Variants in MPZL1 observed in about 807,000 individuals in gnomAD.
The protein encoded by MPZL1 is myelin protein zero-like protein 1.
Under a neutral mutation model 29.3 loss-of-function variants are expected in MPZL1, and 16 were observed. The observed-to-expected ratio is 0.55, with a 90% CI of 0.37 to 0.83. The LOEUF (loss-of-function observed/expected upper bound fraction) is 0.83. Among genes scored for constraint, MPZL1 ranks in the 40% least tolerant of loss-of-function variants. MPZL1 has a pLI of 0.00. For missense variants in MPZL1, 279 were observed against 332.9 expected (o/e 0.84, Z 1.26); for synonymous variants, 143 against 132.0 (o/e 1.08, Z -0.57).
intron 1 of MPZL1, among the ~76,000 whole-genome samples, chr1:167,727,972 A>AT (rs906846336): frequency 2.7e-5 from 4 of 146,850 alleles, no homozygotes; most frequent in African/African-American, 1.0e-4. Context: ...AGGTTCAGTG[A>AT]TTCTCCTGCC....
intron 1 of MPZL1, among the ~76,000 whole-genome samples, chr1:167,752,763 G>A (rs918254691): frequency 5.3e-5 from 8 of 152,130 alleles, no homozygotes; most frequent in Admixed American, 1.3e-4. Flanking sequence ...GCTTGACTGG[G>A]GTCAGGCATC....
intron 1 of MPZL1, among the ~76,000 whole-genome samples, chr1:167,760,747 CTG>C (rs58963124): frequency 0.12 from 14,533 of 119,886 alleles, 783 homozygotes; most frequent in South Asian, 0.15. Context: ...GTTGAATAGG[CTG>C]TGTGTGTGTG....
In MPZL1 at chr1:167,765,533, G is replaced by T. The variant is rs373159576; in HGVS notation, c.92-50G>T. The T allele has an allele frequency of 2.1e-5, 32 of 1,497,784 alleles. No individual in the cohort carries two copies. The Admixed American group carries it at 2.7e-4, about 13-fold the overall frequency. The allele number at this position is 1,497,784 out of a possible 1,614,324, so 92.8% of individuals were successfully genotyped here. A position where few individuals can be genotyped will look rare whatever the true frequency, so the allele number is the denominator to read the frequency against. On this transcript the variant is annotated intron_variant, in intron 1 of 5. Transcript: ENST00000359523. ...TCTTGTCTGGCAAAAATGCACAGTG[G>T]TATTCATGTTAAGTCCTACTTTCAA...
At position 167,765,927 on chromosome 1, in the gene MPZL1, C is replaced by T. The variant is rs910796069; in HGVS notation, c.258+178C>T. On this transcript the variant is annotated intron_variant, in intron 2 of 5. Transcript: ENST00000359523. ...AAATAAGTTCAGCATCTCTTAAATG[C>T]GTCTGGTTTCCTTGTCTTTGATCAG... is the stretch of plus-strand genomic sequence containing the variant. 1.7e-4 allele frequency: 75 copies of T among 451,540 alleles called. 1 individual carries two copies. Among genetic ancestry groups the T allele is most frequent in the Non-Finnish European group, 2.6e-4 (69 of 268,042 alleles). The allele number at this position is 451,540 out of a possible 1,614,324, so 28.0% of individuals were successfully genotyped here. A position where few individuals can be genotyped will look rare whatever the true frequency, so the allele number is the denominator to read the frequency against.
At position 167,776,107 on chromosome 1, in the gene MPZL1, C is replaced by T. The variant is rs561407422; in HGVS notation, c.649C>T (p.Arg217Trp). 1.3e-5 allele frequency: 21 copies of T among 1,612,622 alleles called. No individual in the cohort carries two copies. Among genetic ancestry groups the T allele is most frequent in the East Asian group, 2.2e-5 (1 of 44,714 alleles). ...ESLSPVKQAP[R>W]KSPSDTEGLV... ...TTTGTCACCAGTTAAGCAGGCTCCT[C>T]GGAAGTCCCCCTCCGACACTGAGGG... The change falls in exon 5 of 6, where the codon CGG becomes TGG. Residue 217 changes from arginine (R) to tryptophan (W), a missense_variant. Coordinates refer to ENST00000359523, the MANE Select transcript of MPZL1 (RefSeq NM_003953.6).
At chr1:167,737,874 G>T (rs1204023422) in intron 1 of MPZL1, among the ~76,000 whole-genome samples, 1 of 152,140 alleles carries the variant, frequency 6.6e-6, no homozygotes, top group African/African-American at 2.4e-5. Context: ...TATCTCTACA[G>T]AGAACCAATA....
chr1:167,771,824 A>G (rs1321861900), intron 2 of MPZL1, among the ~76,000 whole-genome samples: 1 of 152,142 alleles, frequency 6.6e-6, no homozygotes, highest in Non-Finnish European at 1.5e-5. Context: ...ACTGCACTCC[A>G]GCCTGGGCAG....
rs373611845 is a variant in MPZL1, at chr1:167,750,917, A to G, written c.92-14666A>G. Among the ~76,000 whole-genome samples the G allele has an allele frequency of 2.0e-4, 31 of 152,320 alleles. No individual in the cohort carries two copies. The East Asian group carries it at 2.9e-3, about 14-fold the overall frequency. On this transcript the variant is annotated intron_variant, in intron 1 of 5. Coordinates refer to ENST00000359523, the MANE Select transcript of MPZL1 (RefSeq NM_003953.6). ...TTTTACATTAATATTTTTAATGTAT[A>G]TTATATAAGCCAGTTACATAGTAGA...
In MPZL1 at chr1:167,787,930, C is replaced by G. The variant is rs1259287139; in HGVS notation, c.*9C>G. The G allele has an allele frequency of 5.6e-6, 9 of 1,594,860 alleles. No homozygotes were observed. Among genetic ancestry groups the G allele is most frequent in the Non-Finnish European group, 7.7e-6 (9 of 1,162,564 alleles). ...ATATCCGAAAGAATTAAGAGAATAC[C>G]TAGAACATATCCTCAGCAAGAAACA... is the stretch of plus-strand genomic sequence containing the variant. On this transcript the variant is annotated 3_prime_UTR_variant, in exon 6 of 6. Coordinates refer to ENST00000359523, the MANE Select transcript of MPZL1 (RefSeq NM_003953.6).
chr1:167,759,638 T>C (rs1003688995), intron 1 of MPZL1, among the ~76,000 whole-genome samples: 1 of 152,246 alleles, frequency 6.6e-6, no homozygotes, highest in Non-Finnish European at 1.5e-5. Context: ...GGAAACCATG[T>C]GCAGTTTTAA....
At chr1:167,786,530 G>A (rs1661596249) in intron 5 of MPZL1, among the ~76,000 whole-genome samples, 1 of 152,198 alleles carries the variant, frequency 6.6e-6, no homozygotes, top group Non-Finnish European at 1.5e-5. Context: ...CAACAAAGAC[G>A]ATATCATAAT....
At chr1:167,722,352 G>A in intron 1 of MPZL1, 110 bp downstream of exon 1, 1 of 1,226,122 alleles carries the variant, frequency 8.2e-7, no homozygotes, top group Middle Eastern at 3.1e-4. Context: ...GCCGAGGTGG[G>A]GAGGGGGCGC....
At chr1:167,775,099 T>A (rs1196548619) in intron 4 of MPZL1, among the ~76,000 whole-genome samples, 2 of 152,222 alleles carry the variant, frequency 1.3e-5, no homozygotes, top group African/African-American at 4.8e-5. Context: ...ATTGTGTATG[T>A]GTGTGTGTGC....
chr1:167,730,905 A>G (rs1206194897), intron 1 of MPZL1, among the ~76,000 whole-genome samples: 2 of 152,184 alleles, frequency 1.3e-5, no homozygotes, highest in Non-Finnish European at 2.9e-5. Flanking sequence ...TTCTGTAGCC[A>G]TGTTGTCTGC....
In MPZL1 at chr1:167,776,178, T is replaced by C. The variant is rs368481370; in HGVS notation, c.708+12T>C. On this transcript the variant is annotated intron_variant, in intron 5 of 5. Transcript: ENST00000359523. The stretch of plus-strand genomic sequence containing the variant: ...CTGGATCTCACCAGGTAATGGCTGA[T>C]TGCGATTCTGCCCACTGCACTGTTC... The C allele has an allele frequency of 3.8e-6, 6 of 1,594,130 alleles. No homozygotes were observed. The highest frequency in any genetic ancestry group is 5.2e-6 in the Non-Finnish European group (6 of 1,162,962).
At chr1:167,759,422 C>T (rs1660934718) in intron 1 of MPZL1, among the ~76,000 whole-genome samples, 1 of 152,094 alleles carries the variant, frequency 6.6e-6, no homozygotes, top group Non-Finnish European at 1.5e-5. Flanking sequence ...CAAATCATTC[C>T]CAATTGTTTA....
chr1:167,759,362 T>C (rs1660933353), intron 1 of MPZL1, among the ~76,000 whole-genome samples: 1 of 152,204 alleles, frequency 6.6e-6, no homozygotes, highest in African/African-American at 2.4e-5. Context: ...TTACTATGTA[T>C]TCCCATAATA....
Position 167,788,232 on chromosome 1 carries a change from C to A in MPZL1, c.*311C>A. 1 of 273,176 alleles carries A rather than the reference C, an allele frequency of 3.7e-6. No homozygotes were observed. The allele number at this position is 273,176 out of a possible 1,614,324, so 16.9% of individuals were successfully genotyped here. ...GAGATTTCAGAAACATTCCTTTCAC[C>A]ATCATTTAGAAATGGTTTGCCTTAA... is the stretch of plus-strand genomic sequence containing the variant. On this transcript the variant is annotated 3_prime_UTR_variant, in exon 6 of 6. Transcript: ENST00000359523.
At chr1:167,725,547 G>C (rs1366196446) in intron 1 of MPZL1, among the ~76,000 whole-genome samples, 1 of 152,006 alleles carries the variant, frequency 6.6e-6, no homozygotes, top group African/African-American at 2.4e-5. Flanking sequence ...GTGCAGTAGC[G>C]TGATCTCGGC....
Sources: gnomAD v4.1 joint callset for allele counts (sites outside exome capture counted in the v4.1 genomes callset) on GRCh38, gnomAD v4.1.1 for gene constraint, MANE v1.5 for transcripts, NCBI Gene and HGNC (gene_info 2026-07-23, HGNC 2026-07-21) for gene names.